Variants in ECD observed in about 807,000 individuals in gnomAD.
ECD encodes the protein ecdysoneless cell cycle regulator.
Under a neutral mutation model 77.2 loss-of-function variants are expected in ECD, and 59 were observed. That is an observed-to-expected ratio of 0.76 (90% CI 0.62 to 0.95). The LOEUF is 0.95. Among genes scored for constraint, ECD ranks in the 40% least tolerant of loss-of-function variants. ECD has a pLI of 0.00. For missense variants in ECD, 704 were observed against 763.4 expected, an observed-to-expected ratio of 0.92 and a Z score of 0.92; for synonymous variants, 233 against 267.4, an observed-to-expected ratio of 0.87 and a Z score of 1.26.
chr10:73,140,410 C>A (rs775613579), intron 9 of ECD, among the ~76,000 whole-genome samples: 41 of 151,948 alleles, frequency 2.7e-4, no homozygotes, highest in Admixed American at 1.2e-3. Context: ...GAGGATAGGC[C>A]AGGCACAGTG....
At chr10:73,157,393 T>A (rs1244416934) in intron 3 of ECD, among the ~76,000 whole-genome samples, 1 of 151,826 alleles carries the variant, frequency 6.6e-6, no homozygotes, top group Non-Finnish European at 1.5e-5. Context: ...AGGTTATACA[T>A]TCACATGGTT....
intron 7 of ECD, among the ~76,000 whole-genome samples, chr10:73,149,371 T>A (rs1843172058): frequency 6.6e-6 from 1 of 152,176 alleles, no homozygotes; most frequent in Non-Finnish European, 1.5e-5. Context: ...GTGAAAGCAA[T>A]ATGCATTCAG....
intron 1 of ECD, among the ~76,000 whole-genome samples, chr10:73,167,095 G>A (rs1843485665): frequency 6.6e-6 from 1 of 152,010 alleles, no homozygotes; most frequent in Non-Finnish European, 1.5e-5. Context: ...TATGTTTTTG[G>A]TACCTTTGCT....
intron 9 of ECD, among the ~76,000 whole-genome samples, chr10:73,142,046 T>TG (rs1474365952): frequency 2.0e-5 from 3 of 152,156 alleles, no homozygotes; most frequent in African/African-American, 7.2e-5. Context: ...CCTTGACTCT[T>TG]GGGATCAAGC....
rs1220595364 is a variant in ECD, at chr10:73,137,954, A to G, written c.1489+49T>C. The G allele has an allele frequency of 2.8e-6, 4 of 1,410,978 alleles. No homozygotes were observed. The African/African-American group carries it at 6.0e-5, about 21-fold the overall frequency. 87.4% of individuals were successfully genotyped at this position (1,410,978 alleles called of 1,614,324 possible). On this transcript the variant is annotated intron_variant, in intron 12 of 13. Coordinates refer to ENST00000372979, the MANE Select transcript of ECD (RefSeq NM_007265.3). ...ATAAACCAATGCTCTAGCAACAGCC[A>G]TACTACTAACAGTTTCAAAATGAAA...
intron 8 of ECD, among the ~76,000 whole-genome samples, chr10:73,147,292 A>C (rs1843143044): frequency 2.0e-5 from 3 of 152,212 alleles, no homozygotes; most frequent in Non-Finnish European, 4.4e-5. Flanking sequence ...TCACGCCTGT[A>C]ATCCCAGCAC....
chr10:73,142,463 T>C (rs1002046641), intron 9 of ECD, among the ~76,000 whole-genome samples: 10 of 151,888 alleles, frequency 6.6e-5, no homozygotes, highest in African/African-American at 2.4e-5. Flanking sequence ...TGAAACCCTG[T>C]CTGTGCTAAA....
In ECD at chr10:73,145,598, C is replaced by T. The variant is rs189481947; in HGVS notation, c.1127+678G>A. ...AAGCTACTTGTAATTTTTTCCCCAACAGTAAAAAATAGTTGAGTAAATTAT... is the reference window on the plus strand; with the variant it reads ...AAGCTACTTGTAATTTTTTCCCCAATAGTAAAAAATAGTTGAGTAAATTAT... On this transcript the variant is annotated intron_variant, in intron 9 of 13. Coordinates refer to ENST00000372979, the MANE Select transcript of ECD (RefSeq NM_007265.3). Among the ~76,000 whole-genome samples the T allele has an allele frequency of 2.7e-3, 400 of 149,238 alleles. 1 individual carries two copies. Among genetic ancestry groups the T allele is most frequent in the African/African-American group, 9.4e-3 (381 of 40,552 alleles).
chr10:73,153,368 C>T (rs1445766319), intron 6 of ECD, among the ~76,000 whole-genome samples: 1 of 150,900 alleles, frequency 6.6e-6, no homozygotes, highest in East Asian at 2.0e-4. Flanking sequence ...GCTGGGATTA[C>T]AGGTGTGAGC....
chr10:73,146,151 C>A, intron 9 of ECD, 125 bp downstream of exon 9: 1 of 352,606 alleles, frequency 2.8e-6, no homozygotes, highest in Non-Finnish European at 4.4e-6. Flanking sequence ...GGTTGCCAGC[C>A]TGGGTGACAG....
At chr10:73,145,657 CTTT>C (rs748175828) in intron 9 of ECD, among the ~76,000 whole-genome samples, 1 of 124,126 alleles carries the variant, frequency 8.1e-6, no homozygotes, top group South Asian at 2.8e-4. Flanking sequence ...TATTGTGCAG[CTTT>C]TTTTTTTTTT....
At chr10:73,142,764 C>T (rs948676495) in intron 9 of ECD, among the ~76,000 whole-genome samples, 1 of 151,946 alleles carries the variant, frequency 6.6e-6, no homozygotes, top group Non-Finnish European at 1.5e-5. Flanking sequence ...GCACTTTTCT[C>T]TCTCTCTGTA....
chr10:73,154,279 G>T lies in ECD; in HGVS notation c.760C>A (p.Pro254Thr), dbSNP rs1260028595. 6.2e-7 allele frequency: 1 copy of T among 1,607,994 alleles called. No individual in the cohort carries two copies. Among genetic ancestry groups the T allele is most frequent in the Non-Finnish European group, 8.5e-7 (1 of 1,177,358 alleles). ...RACRVFKTFL[P>T]ETRIMTSVTF... is the part of the protein sequence containing the mutation. Reference sequence around the variant, plus strand: ...ACCGATGTCATTATTCGTGTTTCAGGCAAGAATGTCTTGAAAACACGACAA... The same window carrying T: ...ACCGATGTCATTATTCGTGTTTCAGTCAAGAATGTCTTGAAAACACGACAA... Residue 254 changes from proline to threonine, a missense_variant, in exon 6 of 14, where the codon CCT becomes ACT. Physicochemically the swap from Pro to Thr is conservative, Grantham distance 38. Coordinates refer to ENST00000372979, the MANE Select transcript of ECD (RefSeq NM_007265.3).
intron 7 of ECD, among the ~76,000 whole-genome samples, chr10:73,149,440 A>G (rs1371868054): frequency 1.3e-5 from 2 of 152,226 alleles, no homozygotes; most frequent in Non-Finnish European, 2.9e-5. Flanking sequence ...ATACTGTCTC[A>G]TGATGCTGGA....
intron 3 of ECD, among the ~76,000 whole-genome samples, chr10:73,159,751 C>T (rs1843350883): frequency 6.7e-6 from 1 of 148,886 alleles, no homozygotes; most frequent in East Asian, 2.0e-4. Context: ...TCAAGCAATT[C>T]TCCTGCCTCA....
intron 2 of ECD, among the ~76,000 whole-genome samples, chr10:73,161,800 T>A (rs728159): frequency 0.033 from 5,036 of 152,286 alleles, 294 homozygotes; most frequent in African/African-American, 0.11. Context: ...ATCAGCAATC[T>A]GAATTCAACA....
chr10:73,139,835 C>A (rs1589679967), intron 9 of ECD, 98 bp from the exon 10 acceptor site: 37 of 644,956 alleles, frequency 5.7e-5, no homozygotes, highest in Middle Eastern at 3.7e-4. Flanking sequence ...ATTAGCTAGT[C>A]TAATTTGGGG....
At chr10:73,151,012 C>G (rs556407878) in intron 7 of ECD, among the ~76,000 whole-genome samples, 1 of 152,210 alleles carries the variant, frequency 6.6e-6, no homozygotes, top group South Asian at 2.1e-4. Flanking sequence ...TTGACCCAGC[C>G]ATCCCATTAC....
Position 73,162,608 on chromosome 10 carries a change from G to A in ECD, c.205+1125C>T, listed in dbSNP as rs193178915. 8.5e-5 allele frequency among the ~76,000 whole-genome samples: 13 copies of A among 152,266 alleles called. No individual in the cohort carries two copies. In the East Asian group the frequency reaches 2.1e-3, roughly 25 times the overall value. On this transcript the variant is annotated intron_variant, in intron 2 of 13. Transcript: ENST00000372979. The stretch of plus-strand genomic sequence containing the variant: ...ATAACAGATACGCACTAAACTGAGA[G>A]TATCACAGTGATGTATACTTGTGAT...
Sources: gnomAD v4.1 joint callset for allele counts (sites outside exome capture counted in the v4.1 genomes callset) on GRCh38, gnomAD v4.1.1 for gene constraint, MANE v1.5 for transcripts, NCBI Gene and HGNC (gene_info 2026-07-23, HGNC 2026-07-21) for gene names.